Variants in HYDIN observed in about 807,000 individuals in gnomAD.
HYDIN encodes the protein HYDIN axonemal central pair apparatus protein.
Under a neutral mutation model 403.9 loss-of-function variants are expected in HYDIN, and 132 were observed. The ratio of observed to expected loss-of-function variants is 0.33; its 90% CI spans 0.28 to 0.38. The LOEUF is 0.38. Ranked by LOEUF, HYDIN falls within the 10% of genes least tolerant of loss-of-function variation. The pLI, the probability that HYDIN is intolerant of heterozygous loss-of-function variation, is 1.00. For synonymous variants in HYDIN, 1,202 were observed against 1,891.7 expected, an observed-to-expected ratio of 0.64 and a Z score of 9.46; for missense variants, 2,827 against 5,009.5, an observed-to-expected ratio of 0.56 and a Z score of 13.15.
intron 25 of HYDIN, among the ~76,000 whole-genome samples, chr16:70,990,602 T>C (rs964317248): frequency 5.9e-5 from 9 of 151,952 alleles, no homozygotes; most frequent in South Asian, 2.1e-4. Context: ...AAGAATTTCA[T>C]AGTATTGCCT....
At chr16:71,108,413 G>A (rs554446373) in intron 10 of HYDIN, among the ~76,000 whole-genome samples, 1 of 152,242 alleles carries the variant, frequency 6.6e-6, no homozygotes, top group East Asian at 1.9e-4. Flanking sequence ...GCTGCAGTGA[G>A]AGGAGTATGA....
chr16:71,167,146 C>A (rs1397942506), intron 5 of HYDIN, among the ~76,000 whole-genome samples: 1 of 151,756 alleles, frequency 6.6e-6, no homozygotes, highest in Non-Finnish European at 1.5e-5. Context: ...GTTAGCTCTG[C>A]AAATGATTCT....
chr16:71,070,243 T>TTCTC (rs2082418197), intron 13 of HYDIN, among the ~76,000 whole-genome samples: 1 of 146,348 alleles, frequency 6.8e-6, no homozygotes, highest in African/African-American at 2.6e-5. Flanking sequence ...ATTTTCTTTC[T>TTCTC]TTTCTTTCTT....
intron 11 of HYDIN, among the ~76,000 whole-genome samples, chr16:71,093,280 A>G (rs940044072): frequency 6.6e-6 from 1 of 152,224 alleles, no homozygotes; most frequent in Non-Finnish European, 1.5e-5. Flanking sequence ...TCATGCATAC[A>G]TCCTGTAAAA....
intron 10 of HYDIN, among the ~76,000 whole-genome samples, chr16:71,096,006 TC>T (rs1429470889): frequency 1.4e-5 from 2 of 140,092 alleles, no homozygotes; most frequent in Non-Finnish European, 3.1e-5. Flanking sequence ...CCTAAAGATC[TC>T]CCTTATTCTT....
chr16:71,081,908 G>T (rs1181218360), intron 12 of HYDIN, among the ~76,000 whole-genome samples: 2 of 118,086 alleles, frequency 1.7e-5, no homozygotes, highest in Non-Finnish European at 3.2e-5. Flanking sequence ...TAGGAGGGAA[G>T]AAAATTGCTT....
chr16:70,832,858 G>C lies in HYDIN; in HGVS notation c.13889C>G (p.Ala4630Gly). ...TLSGVCVGPP[A>G]VKEVVNFTCQ... ...GCAGCAGCTACTAACCTCTTTTACC[G>C]CAGGTGGTCCCACGCAGACTCCAGA... Residue 4630 changes from alanine (A) to glycine (G), a missense_variant, in exon 80 of 86, where the codon GCG becomes GGG. Transcript: ENST00000393567. 6.2e-7 allele frequency: 1 copy of C among 1,604,402 alleles called. No homozygotes were observed. The highest frequency in any genetic ancestry group is 8.5e-7 in the Non-Finnish European group (1 of 1,173,672).
At chr16:71,223,656 C>T (rs1340750383) in intron 1 of HYDIN, among the ~76,000 whole-genome samples, 1 of 150,824 alleles carries the variant, frequency 6.6e-6, no homozygotes, top group Non-Finnish European at 1.5e-5. Context: ...ATAATCCCTT[C>T]AAAAAGTGAG....
intron 55 of HYDIN, among the ~76,000 whole-genome samples, chr16:70,893,188 C>G (rs2041578693): frequency 6.6e-6 from 1 of 152,226 alleles, no homozygotes; most frequent in African/African-American, 2.4e-5. Flanking sequence ...ATTCTTTCAA[C>G]AAACCCTCTA....
At chr16:70,970,250 G>T (rs2078695257) in intron 36 of HYDIN, among the ~76,000 whole-genome samples, 1 of 75,014 alleles carries the variant, frequency 1.3e-5, no homozygotes, top group Non-Finnish European at 2.6e-5. Context: ...TTTTTAAAAT[G>T]ACCCAATTAC....
At chr16:71,063,975 T>C (rs1394419068) in intron 16 of HYDIN, among the ~76,000 whole-genome samples, 1 of 131,100 alleles carries the variant, frequency 7.6e-6, no homozygotes, top group Non-Finnish European at 1.8e-5. Context: ...GCCTTGGTTC[T>C]GTGGCCTCCA....
chr16:70,948,242 C>A (rs1405169486), intron 41 of HYDIN, among the ~76,000 whole-genome samples: 1 of 149,626 alleles, frequency 6.7e-6, no homozygotes, highest in African/African-American at 2.4e-5. Context: ...GCTGGGAAAA[C>A]TGGCTAGCCA....
In HYDIN at chr16:70,807,781, G is replaced by A. The variant is rs971932956; in HGVS notation, c.15165C>T (p.Ile5055=). The A allele has an allele frequency of 5.0e-6, 8 of 1,614,058 alleles. No homozygotes were observed. The highest frequency in any genetic ancestry group is 2.2e-5 in the East Asian group (1 of 44,894). Residue 5055 remains isoleucine (I), a synonymous_variant, in exon 86 of 86, where the codon ATC becomes ATT. Transcript: ENST00000393567. ...VFYHMVTFSI[I]VDNPAFTIRA... is the part of the protein sequence containing the mutation. The stretch of plus-strand genomic sequence containing the variant: ...GAATGGTGAAGGCTGGGTTATCCAC[G>A]ATGATGGAGAAGGTCACCATGTGAT...
chr16:71,190,571 A>G (rs747636954), intron 1 of HYDIN, among the ~76,000 whole-genome samples: 4 of 152,226 alleles, frequency 2.6e-5, no homozygotes, highest in Non-Finnish European at 4.4e-5. Context: ...AAGAATTCCA[A>G]CTAATAAATG....
intron 5 of HYDIN, among the ~76,000 whole-genome samples, chr16:71,172,119 G>A (rs1331473362): frequency 6.6e-6 from 1 of 152,200 alleles, no homozygotes; most frequent in Non-Finnish European, 1.5e-5. Flanking sequence ...CATAGAACAT[G>A]TTAACATTTT....
At chr16:70,959,926 C>T (rs1211717312) in intron 38 of HYDIN, 106 bp from the exon 39 acceptor site, 3 of 575,288 alleles carry the variant, frequency 5.2e-6, no homozygotes, top group Non-Finnish European at 6.1e-6. Context: ...TTTTTAAATG[C>T]TGTTTTTTTT....
At chr16:71,173,311 G>C (rs545363740) in intron 5 of HYDIN, among the ~76,000 whole-genome samples, 2 of 152,220 alleles carry the variant, frequency 1.3e-5, no homozygotes, top group South Asian at 4.1e-4. Flanking sequence ...TTTTAAATTA[G>C]GGGTTTCCCA....
At position 70,860,226 on chromosome 16, in the gene HYDIN, T is replaced by C; in HGVS notation, c.11991-20A>G. On this transcript the variant is annotated intron_variant, in intron 70 of 85. Coordinates refer to ENST00000393567, the MANE Select transcript of HYDIN (RefSeq NM_001270974.2). The stretch of plus-strand genomic sequence containing the variant: ...AAGGTCCTGGCCAGGGTGGAGAGAA[T>C]TGACAGAAGAGAGTGGGACAGGGGA... 6.2e-7 allele frequency: 1 copy of C among 1,608,006 alleles called. No individual in the cohort carries two copies. The highest frequency in any genetic ancestry group is 8.5e-7 in the Non-Finnish European group (1 of 1,177,872).
chr16:71,043,419 G>A (rs1402148783), intron 18 of HYDIN, among the ~76,000 whole-genome samples: 4 of 143,644 alleles, frequency 2.8e-5, no homozygotes, highest in South Asian at 2.2e-4. Flanking sequence ...CACATATTGC[G>A]TCTTAGAACT....
Sources: allele counts gnomAD v4.1 joint callset (sites outside exome capture counted in the v4.1 genomes callset), GRCh38; gene constraint gnomAD v4.1.1; transcripts MANE v1.5; gene names NCBI Gene and HGNC (gene_info 2026-07-23, HGNC 2026-07-21).